Variants in TANGO6 observed in about 807,000 individuals in gnomAD.
TANGO6 encodes the protein transport and golgi organization 6 homolog.
A neutral mutation model predicts 114.2 loss-of-function variants in TANGO6; 90 were observed. The observed-to-expected ratio is 0.79, with a 90% confidence interval of 0.66 to 0.94. TANGO6 has a LOEUF of 0.94. TANGO6 is among the 40% of genes least tolerant of loss of function. The pLI, the probability that TANGO6 is intolerant of heterozygous loss-of-function variation, is 0.00. For missense variants in TANGO6, 1,274 were observed against 1,315.3 expected, an observed-to-expected ratio of 0.97 and a Z score of 0.49; for synonymous variants, 477 against 509.8, an observed-to-expected ratio of 0.94 and a Z score of 0.87.
chr16:69,067,223 C>G (rs1209359406), intron 17 of TANGO6, among the ~76,000 whole-genome samples: 1 of 152,006 alleles, frequency 6.6e-6, no homozygotes, highest in Non-Finnish European at 1.5e-5. Context: ...TTTTTATTAG[C>G]TGAGGCTGGG....
chr16:69,013,324 T>A (rs894830322), intron 15 of TANGO6, among the ~76,000 whole-genome samples: 4 of 152,114 alleles, frequency 2.6e-5, no homozygotes, highest in Non-Finnish European at 4.4e-5. Context: ...TGAGCCATTT[T>A]AAAAATATGT....
Position 68,854,616 on chromosome 16 carries a change from A to G in TANGO6, c.95-5268A>G, listed in dbSNP as rs554307698. On this transcript the variant is annotated intron_variant, in intron 1 of 17. Coordinates refer to ENST00000261778, the MANE Select transcript of TANGO6 (RefSeq NM_024562.2). ...GGTGTGTGGTGTGAATTAAAGGTCA[A>G]AGTTTTTTTTTTTTTTTTTCCCCAT... is the stretch of plus-strand genomic sequence containing the variant. Among the ~76,000 whole-genome samples the G allele has an allele frequency of 2.7e-4, 41 of 150,168 alleles. No individual in the cohort carries two copies. The South Asian group carries it at 8.4e-3, about 31-fold the overall frequency.
At chr16:69,049,051 C>A (rs1006537695) in intron 17 of TANGO6, among the ~76,000 whole-genome samples, 3 of 152,128 alleles carry the variant, frequency 2.0e-5, no homozygotes, top group Admixed American at 2.0e-4. Context: ...CTTCCCCTTA[C>A]CTTGTATTTC....
At chr16:69,063,819 T>C (rs1960172752) in intron 17 of TANGO6, among the ~76,000 whole-genome samples, 1 of 136,634 alleles carries the variant, frequency 7.3e-6, no homozygotes, top group Non-Finnish European at 1.5e-5. Context: ...TTATTATTAT[T>C]ATTATTATTA....
rs1398207257 is a variant in TANGO6 at position 68,980,432 on chromosome 16, TATA to T, written c.2842+6265_2842+6267del. On this transcript the variant is annotated intron_variant, in intron 15 of 17. Coordinates refer to ENST00000261778, the MANE Select transcript of TANGO6 (RefSeq NM_024562.2). Reference sequence around the variant, plus strand: ...CTCTATATATATATATATATATATATATATTTTTTTTTTTTTTTTTGAGATAGG... The same window carrying T: ...CTCTATATATATATATATATATATATTTTTTTTTTTTTTTTTTGAGATAGG... 6.7e-4 allele frequency among the ~76,000 whole-genome samples: 67 copies of T among 100,668 alleles called. 1 individual carries two copies. The highest frequency in any genetic ancestry group is 2.4e-3 in the African/African-American group (55 of 23,386). 66.0% of individuals were successfully genotyped at this position (100,668 alleles called of 152,430 possible). A position where few individuals can be genotyped will look rare whatever the true frequency, so the allele number is the denominator to read the frequency against.
intron 17 of TANGO6, among the ~76,000 whole-genome samples, chr16:69,079,333 CAAATAAAT>C (rs61531560): frequency 3.3e-5 from 5 of 150,622 alleles, no homozygotes; most frequent in Non-Finnish European, 5.9e-5. Context: ...GTCTCAAAAA[CAAATAAAT>C]AAATAAATAA....
At chr16:69,005,662 C>T (rs1964085783) in intron 15 of TANGO6, among the ~76,000 whole-genome samples, 1 of 151,878 alleles carries the variant, frequency 6.6e-6, no homozygotes, top group Non-Finnish European at 1.5e-5. Flanking sequence ...TAGCCAGGCA[C>T]CTGTAATCCC....
intron 14 of TANGO6, among the ~76,000 whole-genome samples, chr16:68,962,215 C>A (rs758701253): frequency 1.3e-5 from 2 of 152,176 alleles, no homozygotes; most frequent in African/African-American, 2.4e-5. Context: ...TTATTGTTAG[C>A]TTCCATCATA....
In TANGO6 at chr16:69,018,139, C is replaced by CTTTTTTTTTTTTTTTTT. The variant is rs34796579; in HGVS notation, c.2843-4683_2843-4667dup. 6.5e-4 allele frequency among the ~76,000 whole-genome samples: 50 copies of CTTTTTTTTTTTTTTTTT among 77,080 alleles called. 6 individuals are homozygous for CTTTTTTTTTTTTTTTTT. Among genetic ancestry groups the CTTTTTTTTTTTTTTTTT allele is most frequent in the African/African-American group, 2.2e-3 (47 of 21,524 alleles). The allele number at this position is 77,080 out of a possible 152,430, so 50.6% of individuals were successfully genotyped here. A position where few individuals can be genotyped will look rare whatever the true frequency, so the allele number is the denominator to read the frequency against. ...CACCATGCCCAGCCGTTGGAAATCTCTTTTTTTTTTTTTTTTTTTTTTGAG... is the reference window on the plus strand; with the variant it reads ...CACCATGCCCAGCCGTTGGAAATCTCTTTTTTTTTTTTTTTTTTTTTTTTTTTTTTTTTTTTTTTGAG... On this transcript the variant is annotated intron_variant, in intron 15 of 17. Coordinates refer to ENST00000261778, the MANE Select transcript of TANGO6 (RefSeq NM_024562.2).
Position 68,860,530 on chromosome 16 carries a change from T to C in TANGO6, c.735+6T>C. Reference sequence around the variant, plus strand: ...TGCTAACACCTGCAGAAGAGGTAAATATACATTGAGAAAGAGAGAGGGAGA... The same window carrying C: ...TGCTAACACCTGCAGAAGAGGTAAACATACATTGAGAAAGAGAGAGGGAGA... On this transcript the variant is annotated splice_donor_region_variant and intron_variant, in intron 2 of 17. Transcript: ENST00000261778. The C allele has an allele frequency of 1.2e-6, 2 of 1,609,048 alleles. No individual in the cohort carries two copies. Among genetic ancestry groups the C allele is most frequent in the Non-Finnish European group, 1.7e-6 (2 of 1,176,382 alleles).
intron 14 of TANGO6, among the ~76,000 whole-genome samples, chr16:68,950,308 G>A (rs1417901118): frequency 4.6e-5 from 7 of 152,208 alleles, no homozygotes; most frequent in South Asian, 4.1e-4. Context: ...GCTCATGCCT[G>A]TAATCCCAAC....
intron 1 of TANGO6, among the ~76,000 whole-genome samples, chr16:68,856,310 A>G (rs1047478584): frequency 7.9e-5 from 12 of 152,154 alleles, no homozygotes; most frequent in African/African-American, 2.9e-4. Flanking sequence ...CGAGTGTTGA[A>G]TTTTGTCAAA....
chr16:68,950,653 G>T (rs1441763207), intron 14 of TANGO6, among the ~76,000 whole-genome samples: 1 of 151,024 alleles, frequency 6.6e-6, no homozygotes, highest in Non-Finnish European at 1.5e-5. Context: ...GAGTTCAGGA[G>T]TTCGAGACCA....
At chr16:68,952,760 T>G (rs1443011096) in intron 14 of TANGO6, among the ~76,000 whole-genome samples, 1 of 151,966 alleles carries the variant, frequency 6.6e-6, no homozygotes, top group Non-Finnish European at 1.5e-5. Context: ...GGATTGAAGG[T>G]TGGGAATGAA....
chr16:68,983,374 A>ATT (rs146667039), intron 15 of TANGO6, among the ~76,000 whole-genome samples: 1 of 149,748 alleles, frequency 6.7e-6, no homozygotes, highest in African/African-American at 2.5e-5. Flanking sequence ...GAAAACACTT[A>ATT]TTTTTTTTTT....
At chr16:68,938,690 C>G (rs955946809) in intron 14 of TANGO6, among the ~76,000 whole-genome samples, 1 of 152,036 alleles carries the variant, frequency 6.6e-6, no homozygotes, top group Non-Finnish European at 1.5e-5. Context: ...TTCTGGTTGT[C>G]TCTGTCCCAC....
rs879557550 is a variant in TANGO6 at position 68,872,221 on chromosome 16, C to CA, written c.995-2922dup. On this transcript the variant is annotated intron_variant, in intron 4 of 17. Transcript: ENST00000261778. ...GGGCGATAGGGTGAGACTCTTGTCT[C>CA]AAAAAAAAAAAGAAGTTGTCTTAAT... Among the ~76,000 whole-genome samples, 1,083 of 138,948 alleles carry CA rather than the reference C, an allele frequency of 7.8e-3. 13 individuals are homozygous for CA. The highest frequency in any genetic ancestry group is 0.026 in the African/African-American group (1,007 of 38,230). 91.2% of individuals were successfully genotyped at this position (138,948 alleles called of 152,430 possible).
chr16:68,985,618 TGGGAAGATCACCTGAGCCC>T, intron 15 of TANGO6, among the ~76,000 whole-genome samples: 1 of 151,974 alleles, frequency 6.6e-6, no homozygotes, highest in African/African-American at 2.4e-5. Context: ...GAGGCTGAGG[TGGGAAGATCACCTGAGCCC>T]GGGAGGTCAA....
chr16:68,957,061 A>G (rs1963537041), intron 14 of TANGO6, among the ~76,000 whole-genome samples: 1 of 152,094 alleles, frequency 6.6e-6, no homozygotes, highest in Non-Finnish European at 1.5e-5. Context: ...TTCATCCTAG[A>G]CCTCGAAGAA....
Sources: gnomAD v4.1 joint callset for allele counts (sites outside exome capture counted in the v4.1 genomes callset) on GRCh38, gnomAD v4.1.1 for gene constraint, MANE v1.5 for transcripts, NCBI Gene and HGNC (gene_info 2026-07-23, HGNC 2026-07-21) for gene names.